TSPAN3: variants seen among roughly 807,000 people sequenced by gnomAD.
TSPAN3 encodes the protein tetraspanin-3.
A neutral mutation model predicts 31.1 loss-of-function variants in TSPAN3; 9 were observed. The ratio of observed to expected loss-of-function variants is 0.29; its 90% CI spans 0.17 to 0.50. The LOEUF (loss-of-function observed/expected upper bound fraction) is 0.50. Among genes scored for constraint, TSPAN3 ranks in the 20% least tolerant of loss-of-function variants. The pLI, the probability that TSPAN3 is intolerant of heterozygous loss-of-function variation, is 0.98. For missense variants in TSPAN3, 252 were observed against 313.5 expected, an observed-to-expected ratio of 0.80 and a Z score of 1.48; for synonymous variants, 129 against 114.3, an observed-to-expected ratio of 1.13 and a Z score of -0.82.
Position 77,056,134 on chromosome 15 carries a change from G to A in TSPAN3, c.185C>T (p.Ala62Val). 2 of 1,613,354 alleles carry A rather than the reference G, an allele frequency of 1.2e-6. No individual in the cohort carries two copies. The highest frequency in any genetic ancestry group is 1.1e-5 in the South Asian group (1 of 90,922). The change falls in exon 2 of 7, where the codon GCC (alanine) becomes GTC (valine). Residue 62 changes from alanine (A) to valine (V), a missense_variant. Ala to Val is a moderately conservative substitution (Grantham distance 64, BLOSUM62 0). Transcript: ENST00000267970. The part of the protein sequence containing the change: ...IPAVVIIAVG[A>V]LLFIIGLIGC... ...AATTAGCCCAATGATGAAAAGCAGG[G>A]CTCCTACAGCTATGATCACTACAGC...
At chr15:77,060,865 G>A (rs1568544045) in intron 1 of TSPAN3, among the ~76,000 whole-genome samples, 3 of 152,098 alleles carry the variant, frequency 2.0e-5, no homozygotes, top group Admixed American at 6.6e-5. Flanking sequence ...GAAGTGAAAG[G>A]AAATTTAGGC....
intron 1 of TSPAN3, among the ~76,000 whole-genome samples, chr15:77,059,379 G>A (rs1285381090): frequency 6.6e-6 from 1 of 152,210 alleles, no homozygotes; most frequent in Non-Finnish European, 1.5e-5. Flanking sequence ...ATTGCGCCTG[G>A]CCAGACATAG....
At position 77,043,754 on chromosome 15, in the gene TSPAN3, T is replaced by G. The variant is rs1447908118; in HGVS notation, c.*3081A>C. On this transcript the variant is annotated 3_prime_UTR_variant, in exon 7 of 7. Transcript: ENST00000267970. ...GAGGACACGATGCGGCCAATGGGAA[T>G]ATGAGTGGTGAGGTATTCTATCAGT... 6.6e-6 allele frequency: 1 copy of G among 152,160 alleles called. No individual in the cohort carries two copies. Among genetic ancestry groups the G allele is most frequent in the African/African-American group, 2.4e-5 (1 of 41,402 alleles). The allele number at this position is 152,160 out of a possible 1,614,324, so 9.4% of individuals were successfully genotyped here. A position where few individuals can be genotyped will look rare whatever the true frequency, so the allele number is the denominator to read the frequency against.
rs1409602180 is a variant in TSPAN3, at chr15:77,041,759, C to T, written c.*5076G>A. On this transcript the variant is annotated 3_prime_UTR_variant, in exon 7 of 7. Coordinates refer to ENST00000267970, the MANE Select transcript of TSPAN3 (RefSeq NM_005724.6). The stretch of plus-strand genomic sequence containing the variant: ...TTGGAGTTCATGTAAAAATACATGA[C>T]ACAGGGTGATGAAAGTGCTTTGAAA... The T allele has an allele frequency of 2.6e-5, 4 of 152,118 alleles. No individual in the cohort carries two copies. The highest frequency in any genetic ancestry group is 5.9e-5 in the Non-Finnish European group (4 of 68,030). 9.4% of individuals were successfully genotyped at this position (152,118 alleles called of 1,614,324 possible). A position where few individuals can be genotyped will look rare whatever the true frequency, so the allele number is the denominator to read the frequency against.
chr15:77,061,781 T>C (rs556994215), intron 1 of TSPAN3, among the ~76,000 whole-genome samples: 2 of 152,334 alleles, frequency 1.3e-5, no homozygotes, highest in East Asian at 3.9e-4. Context: ...TGCAGTGGTA[T>C]GTAGTAGCCA....
At chr15:77,055,890 T>A in intron 2 of TSPAN3, 27 bp from the exon 3 acceptor site, 2 of 1,578,840 alleles carry the variant, frequency 1.3e-6, no homozygotes, top group Non-Finnish European at 1.7e-6. Flanking sequence ...TTTAAAATTA[T>A]ATACAAATGA....
intron 1 of TSPAN3, among the ~76,000 whole-genome samples, chr15:77,061,774 A>G (rs1257957984): frequency 6.6e-6 from 1 of 152,230 alleles, no homozygotes. Flanking sequence ...ATTTTCTTGC[A>G]GTGGTATGTA....
chr15:77,059,663 T>C (rs1368447384), intron 1 of TSPAN3, among the ~76,000 whole-genome samples: 2 of 152,228 alleles, frequency 1.3e-5, no homozygotes, highest in African/African-American at 2.4e-5. Flanking sequence ...ATTTATTTCT[T>C]AAAAGGCTTG....
At chr15:77,049,361 T>C (rs910537880) in intron 6 of TSPAN3, among the ~76,000 whole-genome samples, 62 of 152,158 alleles carry the variant, frequency 4.1e-4, no homozygotes, top group Non-Finnish European at 1.3e-4. Flanking sequence ...GATCGTTCTA[T>C]CTTGAGGATA....
At position 77,051,335 on chromosome 15, in the gene TSPAN3, C is replaced by G. The variant is rs1203585949; in HGVS notation, c.669+1050G>C. Among the ~76,000 whole-genome samples, 3 of 152,072 alleles carry G rather than the reference C, an allele frequency of 2.0e-5. No homozygotes were observed. In the East Asian group the frequency reaches 5.8e-4, roughly 29 times the overall value. ...CTGAGGTCAGGAGTTCAAGACCAAC[C>G]TGGCCAACATGGTAAAAACCTGTCT... is the stretch of plus-strand genomic sequence containing the variant. On this transcript the variant is annotated intron_variant, in intron 6 of 6. Transcript: ENST00000267970.
At chr15:77,065,424 TTTTA>T (rs766066742) in intron 1 of TSPAN3, among the ~76,000 whole-genome samples, 148 of 152,152 alleles carry the variant, frequency 9.7e-4, no homozygotes, top group Non-Finnish European at 1.5e-3. Context: ...GCGTGATAAG[TTTTA>T]TTTATTTATT....
chr15:77,052,456 G>C lies in TSPAN3; in HGVS notation c.598C>G (p.Leu200Val), dbSNP rs1014159593. The change falls in exon 6 of 7, where the codon CTA becomes GTA. Residue 200 changes from leucine (L) to valine (V), a missense_variant. By Grantham distance (32) the Leu-to-Val change is conservative. Transcript: ENST00000267970. ...ATTTCTTGTAGCTTCTTCACTACTA[G>C]AGCCTCACACCCCTGTAACAAACAC... ...SDLYAEGCEA[L>V]VVKKLQEIMM... is the part of the protein sequence containing the mutation. 3.1e-5 allele frequency: 50 copies of C among 1,614,032 alleles called. No homozygotes were observed. The highest frequency in any genetic ancestry group is 4.2e-5 in the Non-Finnish European group (49 of 1,179,948).
chr15:77,049,709 A>G (rs1311279098), intron 6 of TSPAN3, among the ~76,000 whole-genome samples: 1 of 152,140 alleles, frequency 6.6e-6, no homozygotes, highest in Non-Finnish European at 1.5e-5. Context: ...TCCTACCCAA[A>G]TCTAGATTAT....
At chr15:77,053,267 G>A (rs778997512) in intron 4 of TSPAN3, among the ~76,000 whole-genome samples, 4 of 151,668 alleles carry the variant, frequency 2.6e-5, no homozygotes, top group Non-Finnish European at 5.9e-5. Flanking sequence ...AGGCCGAGAT[G>A]GGCGAGTCAC....
Position 77,064,559 on chromosome 15 carries a change from GC to G in TSPAN3, c.63+6332del, listed in dbSNP as rs569740499. ...TCCCTAAACTGCAACTAGAGAGAGCGCCCCTGCTGATTCCAAGTTCTAAATG... is the reference window on the plus strand; with the variant it reads ...TCCCTAAACTGCAACTAGAGAGAGCGCCCTGCTGATTCCAAGTTCTAAATG... On this transcript the variant is annotated intron_variant, in intron 1 of 6. Transcript: ENST00000267970. 580 of 152,302 alleles carry G rather than the reference GC, an allele frequency of 3.8e-3. 2 individuals carry two copies. The highest frequency in any genetic ancestry group is 0.014 in the African/African-American group (564 of 41,560). The allele number at this position is 152,302 out of a possible 1,614,324, so 9.4% of individuals were successfully genotyped here.
intron 1 of TSPAN3, 76 bp downstream of exon 1, chr15:77,070,816 C>T: frequency 2.2e-6 from 2 of 914,852 alleles, no homozygotes; most frequent in Non-Finnish European, 2.6e-6. Flanking sequence ...GGCCCAAGCC[C>T]GGCCCCCACG....
chr15:77,059,437 TAACA>T (rs1444398425), intron 1 of TSPAN3, among the ~76,000 whole-genome samples: 3 of 152,180 alleles, frequency 2.0e-5, no homozygotes, highest in Admixed American at 1.3e-4. Context: ...GTCAACTACT[TAACA>T]CTCTTCCCAA....
rs546803072 is a variant in TSPAN3 at position 77,044,663 on chromosome 15, C to G, written c.*2172G>C. The G allele has an allele frequency of 6.4e-4, 97 of 152,298 alleles. No individual in the cohort carries two copies. The highest frequency in any genetic ancestry group is 7.0e-4 in the Non-Finnish European group (48 of 68,132). The allele number at this position is 152,298 out of a possible 1,614,324, so 9.4% of individuals were successfully genotyped here. A position where few individuals can be genotyped will look rare whatever the true frequency, so the allele number is the denominator to read the frequency against. ...TACAGGAAGGGTGTGGAGAATTATCCTCTTGGGCAAGTTGAAGAACAAGGC... is the reference window on the plus strand; with the variant it reads ...TACAGGAAGGGTGTGGAGAATTATCGTCTTGGGCAAGTTGAAGAACAAGGC... On this transcript the variant is annotated 3_prime_UTR_variant, in exon 7 of 7. Transcript: ENST00000267970.
rs560978833 is a variant in TSPAN3, at chr15:77,061,712, G to A, written c.64-5457C>T. Among the ~76,000 whole-genome samples the A allele has an allele frequency of 1.2e-4, 19 of 152,286 alleles. No individual in the cohort carries two copies. In the East Asian group the frequency reaches 3.3e-3, roughly 26 times the overall value. ...CATGGAGATTTAGAAATACAAAGGC[G>A]AAAGCATCCCACAGGACATTTTGGG... On this transcript the variant is annotated intron_variant, in intron 1 of 6. Coordinates refer to ENST00000267970, the MANE Select transcript of TSPAN3 (RefSeq NM_005724.6).
Sources: allele counts gnomAD v4.1 joint callset (sites outside exome capture counted in the v4.1 genomes callset), GRCh38; gene constraint gnomAD v4.1.1; transcripts MANE v1.5; gene names NCBI Gene and HGNC (gene_info 2026-07-23, HGNC 2026-07-21).